Variants in FSD1L observed in about 807,000 individuals in gnomAD.
The protein encoded by FSD1L is FSD1-like protein.
Under a neutral mutation model 71.6 loss-of-function variants are expected in FSD1L, and 45 were observed. The ratio of observed to expected loss-of-function variants is 0.63; its 90% CI spans 0.49 to 0.81. FSD1L has a LOEUF of 0.81. FSD1L is among the 30% of genes least tolerant of loss of function. FSD1L has a pLI of 0.00. For missense variants in FSD1L, 561 were observed against 618.1 expected (o/e 0.91, Z 0.98); for synonymous variants, 197 against 207.2 (o/e 0.95, Z 0.42).
intron 5 of FSD1L, among the ~76,000 whole-genome samples, chr9:105,478,340 GAAC>G (rs1297858248): frequency 6.6e-6 from 1 of 152,086 alleles, no homozygotes; most frequent in Non-Finnish European, 1.5e-5. Flanking sequence ...TAATGAATAG[GAAC>G]AACGTTAGAA....
At chr9:105,501,790 A>T (rs577587667) in intron 7 of FSD1L, among the ~76,000 whole-genome samples, 4 of 152,204 alleles carry the variant, frequency 2.6e-5, no homozygotes, top group African/African-American at 9.6e-5. Flanking sequence ...GGTCCAAAAA[A>T]GTTAGTTTAC....
intron 13 of FSD1L, among the ~76,000 whole-genome samples, chr9:105,543,792 C>A (rs922655038): frequency 5.3e-5 from 8 of 152,112 alleles, no homozygotes; most frequent in East Asian, 3.9e-4. Flanking sequence ...ATAGTATTCC[C>A]TGGTGTATAT....
chr9:105,526,487 T>C (rs149870418), intron 10 of FSD1L: 38,793 of 1,612,358 alleles, frequency 0.024, 606 homozygotes, highest in Non-Finnish European at 0.027. Flanking sequence ...AAGCCGCATG[T>C]CCATGAAGCT....
chr9:105,485,533 G>GTTTTTTTTT (rs34268568), intron 7 of FSD1L, among the ~76,000 whole-genome samples: 5 of 79,398 alleles, frequency 6.3e-5, no homozygotes, highest in Non-Finnish European at 7.0e-5. Context: ...TTGGTTAGGT[G>GTTTTTTTTT]TTTTTTTTTT....
At chr9:105,445,124 G>A (rs1033293955), upstream of FSD1L, among the ~76,000 whole-genome samples, 9 of 152,194 alleles carry the variant, frequency 5.9e-5, no homozygotes, top group African/African-American at 2.2e-4. Context: ...GAGGGATTGG[G>A]TGGGAGACTT....
chr9:105,494,943 G>A (rs1467488312), intron 7 of FSD1L, among the ~76,000 whole-genome samples: 2 of 152,322 alleles, frequency 1.3e-5, no homozygotes, highest in African/African-American at 4.8e-5. Context: ...GGCTGCTCGG[G>A]GGTCAGGGGT....
chr9:105,474,362 A>G (rs1411664190), intron 5 of FSD1L, among the ~76,000 whole-genome samples: 1 of 152,238 alleles, frequency 6.6e-6, no homozygotes, highest in Admixed American at 6.5e-5. Context: ...GTGGCACATT[A>G]CTGTATCTGT....
At chr9:105,447,989 C>G (rs1040879898), upstream of FSD1L, 10 of 550,098 alleles carry the variant, frequency 1.8e-5, no homozygotes, top group Non-Finnish European at 2.9e-5. Flanking sequence ...AGCCGCTGCG[C>G]GCAGGCGCGG....
chr9:105,523,905 G>T, intron 10 of FSD1L: 1 of 1,590,932 alleles, frequency 6.3e-7, no homozygotes, highest in Non-Finnish European at 8.6e-7. Flanking sequence ...TATTGTAGCA[G>T]CTGGTAGAGT....
At chr9:105,447,993 G>A (rs757429423), upstream of FSD1L, 25 of 552,474 alleles carry the variant, frequency 4.5e-5, no homozygotes, top group Non-Finnish European at 7.3e-5. Flanking sequence ...GCTGCGCGCA[G>A]GCGCGGTGCG....
rs991674079 is a variant in FSD1L at position 105,545,509 on chromosome 9, A to C, written c.1468-849A>C. On this transcript the variant is annotated intron_variant, in intron 13 of 13. Transcript: ENST00000481272. ...GCATCCCTGTCTTGTGCCAGTTTTC[A>C]AAGTGAATGCTTCCAGTTTTTGCCC... is the stretch of plus-strand genomic sequence containing the variant. Among the ~76,000 whole-genome samples the C allele has an allele frequency of 4.0e-4, 60 of 148,652 alleles. 1 individual carries two copies. Among genetic ancestry groups the C allele is most frequent in the African/African-American group, 1.5e-3 (57 of 39,010 alleles).
At chr9:105,522,874 T>G (rs554972784) in intron 10 of FSD1L, 3 of 1,607,104 alleles carry the variant, frequency 1.9e-6, no homozygotes, top group Non-Finnish European at 2.6e-6. Context: ...CTCCCTGATA[T>G]TCTAAACAAG....
chr9:105,451,443 A>G (rs1044970141), intron 1 of FSD1L, among the ~76,000 whole-genome samples: 3 of 152,212 alleles, frequency 2.0e-5, no homozygotes, highest in African/African-American at 7.2e-5. Flanking sequence ...GTGGCTAGTC[A>G]ACAAATGGAT....
intron 10 of FSD1L, chr9:105,526,336 T>G: frequency 6.2e-7 from 1 of 1,611,840 alleles, no homozygotes; most frequent in Non-Finnish European, 8.5e-7. Context: ...CTACCACCAT[T>G]TACCATCTGA....
At position 105,526,571 on chromosome 9, in the gene FSD1L, T is replaced by C. The variant is rs148680560; in HGVS notation, c.1026-7922T>C. On this transcript the variant is annotated intron_variant, in intron 10 of 13. Coordinates refer to ENST00000481272, the MANE Select transcript of FSD1L (RefSeq NM_001145313.3). ...CAGCAGTGATCAGCAGTAGCCACCTTAGCATGAACATAGGGTTAACCCTTT... is the reference window on the plus strand; with the variant it reads ...CAGCAGTGATCAGCAGTAGCCACCTCAGCATGAACATAGGGTTAACCCTTT... Among the ~76,000 whole-genome samples the C allele has an allele frequency of 4.3e-3, 651 of 152,342 alleles. 3 individuals carry two copies. Among genetic ancestry groups the C allele is most frequent in the Middle Eastern group, 0.01 (3 of 294 alleles).
chr9:105,455,480 G>A (rs1830303728), intron 1 of FSD1L, among the ~76,000 whole-genome samples: 1 of 151,844 alleles, frequency 6.6e-6, no homozygotes, highest in Non-Finnish European at 1.5e-5. Context: ...GCATTATTGG[G>A]CATTTTCCAG....
At chr9:105,481,176 T>TGTGTGTGTGGGTGTGTGTGTGG (rs1454412244) in intron 6 of FSD1L, among the ~76,000 whole-genome samples, 1 of 123,110 alleles carries the variant, frequency 8.1e-6, no homozygotes, top group Non-Finnish European at 1.8e-5. Flanking sequence ...TGTGTGTGTG[T>TGTGTGTGTGGGTGTGTGTGTGG]GTGGTTCTTT....
At chr9:105,510,956 A>T (rs1258890578) in intron 9 of FSD1L, among the ~76,000 whole-genome samples, 2 of 151,734 alleles carry the variant, frequency 1.3e-5, no homozygotes, top group East Asian at 1.9e-4. Context: ...TAGGACTTAT[A>T]CAAGAGATAG....
chr9:105,457,193 GA>G (rs1830411202), intron 1 of FSD1L, among the ~76,000 whole-genome samples: 1 of 152,224 alleles, frequency 6.6e-6, no homozygotes, highest in African/African-American at 2.4e-5. Context: ...TATAGGTAGA[GA>G]AACTGATAAG....
Sources: gnomAD v4.1 joint callset for allele counts (sites outside exome capture counted in the v4.1 genomes callset) on GRCh38, gnomAD v4.1.1 for gene constraint, MANE v1.5 for transcripts, NCBI Gene and HGNC (gene_info 2026-07-23, HGNC 2026-07-21) for gene names.